Variants in PLEKHA6 observed in about 807,000 individuals in gnomAD.
PLEKHA6 encodes pleckstrin homology domain-containing family A member 6.
In PLEKHA6, 60 loss-of-function variants were observed where a neutral mutation model predicts 116.7. The ratio of observed to expected loss-of-function variants is 0.51; its 90% CI spans 0.42 to 0.64. PLEKHA6 has a LOEUF of 0.64. Ranked by LOEUF, PLEKHA6 falls within the 30% of genes least tolerant of loss-of-function variation. The pLI, the probability that PLEKHA6 is intolerant of heterozygous loss-of-function variation, is 0.00. For missense variants in PLEKHA6, 1,338 were observed against 1,422.7 expected (o/e 0.94, Z 0.96); for synonymous variants, 489 against 556.1 (o/e 0.88, Z 1.70).
At chr1:204,256,606 G>A (rs1665325487) in intron 9 of PLEKHA6, among the ~76,000 whole-genome samples, 1 of 152,166 alleles carries the variant, frequency 6.6e-6, no homozygotes, top group African/African-American at 2.4e-5. Flanking sequence ...AGAGGAGAAG[G>A]GGTTATTGGC....
intron 1 of PLEKHA6, among the ~76,000 whole-genome samples, chr1:204,340,525 C>T (rs1443202348): frequency 6.6e-6 from 1 of 152,176 alleles, no homozygotes; most frequent in Admixed American, 6.5e-5. Flanking sequence ...TATCCCAGAA[C>T]CAGGCAAGCG....
intron 4 of PLEKHA6, among the ~76,000 whole-genome samples, chr1:204,267,812 G>A (rs1344764754): frequency 6.6e-6 from 1 of 152,180 alleles, no homozygotes; most frequent in Non-Finnish European, 1.5e-5. Flanking sequence ...ATGAGTGAGT[G>A]GAAGGGCAGG....
At chr1:204,258,613 C>A (rs1665673138) in intron 8 of PLEKHA6, among the ~76,000 whole-genome samples, 1 of 152,248 alleles carries the variant, frequency 6.6e-6, no homozygotes, top group Non-Finnish European at 1.5e-5. Context: ...CTGTGGCCTG[C>A]AGTCCCTGGA....
intron 1 of PLEKHA6, among the ~76,000 whole-genome samples, chr1:204,276,002 A>T (rs1667966452): frequency 6.6e-6 from 1 of 152,130 alleles, no homozygotes; most frequent in African/African-American, 2.4e-5. Context: ...GAGGAAGGAG[A>T]TCTTAGCTTA....
intron 17 of PLEKHA6, among the ~76,000 whole-genome samples, chr1:204,235,778 A>G (rs774745661): frequency 3.9e-5 from 6 of 152,166 alleles, no homozygotes; most frequent in Non-Finnish European, 8.8e-5. Flanking sequence ...GCCAGAAGGA[A>G]CAGCTTCTCC....
At chr1:204,275,495 G>A (rs1667904676) in intron 1 of PLEKHA6, among the ~76,000 whole-genome samples, 1 of 152,152 alleles carries the variant, frequency 6.6e-6, no homozygotes, top group Non-Finnish European at 1.5e-5. Flanking sequence ...GGCGTTGTGA[G>A]GATGGCCTGC....
chr1:204,353,686 AG>A (rs1371608651), intron 1 of PLEKHA6, among the ~76,000 whole-genome samples: 3 of 152,216 alleles, frequency 2.0e-5, no homozygotes, highest in Admixed American at 6.5e-5. Context: ...TGATAAGGGC[AG>A]GGTGGGAACT....
chr1:204,242,198 G>A (rs1395836286), intron 15 of PLEKHA6, among the ~76,000 whole-genome samples: 1 of 152,166 alleles, frequency 6.6e-6, no homozygotes, highest in African/African-American at 2.4e-5. Flanking sequence ...AGAACCAGGC[G>A]GGCCTTGGTA....
At chr1:204,362,000 C>T (rs1443453167), upstream of PLEKHA6, among the ~76,000 whole-genome samples, 6 of 152,190 alleles carry the variant, frequency 3.9e-5, no homozygotes, top group Non-Finnish European at 7.3e-5. Flanking sequence ...GGGCAAGGGC[C>T]GCAGACGAGT....
At chr1:204,373,413 T>C (rs562673543) in intron 1 of PLEKHA6, among the ~76,000 whole-genome samples, 1 of 151,860 alleles carries the variant, frequency 6.6e-6, no homozygotes, top group African/African-American at 2.4e-5. Context: ...AGAGACAAGG[T>C]CTTACTATGT....
chr1:204,249,378 T>C, intron 10 of PLEKHA6, 114 bp from the exon 11 acceptor site: 1 of 762,578 alleles, frequency 1.3e-6, no homozygotes, highest in South Asian at 1.6e-5. Flanking sequence ...TCCTTTCTCC[T>C]GCTGAGGAAC....
At chr1:204,325,903 C>T in intron 1 of PLEKHA6, 24 of 985,134 alleles carry the variant, frequency 2.4e-5, no homozygotes, top group Non-Finnish European at 2.9e-5. Flanking sequence ...TTCCAGGCTG[C>T]CAAAGCCAAG....
chr1:204,317,982 C>A (rs1228254376), intron 1 of PLEKHA6, among the ~76,000 whole-genome samples: 1 of 152,120 alleles, frequency 6.6e-6, no homozygotes, highest in Non-Finnish European at 1.5e-5. Context: ...TACACAAGTG[C>A]TATATAAAAG....
At chr1:204,340,334 C>T (rs1273341536) in intron 1 of PLEKHA6, among the ~76,000 whole-genome samples, 1 of 152,194 alleles carries the variant, frequency 6.6e-6, no homozygotes, top group Non-Finnish European at 1.5e-5. Flanking sequence ...TTGTCTCTCT[C>T]GTGCCTGCAA....
rs774888198 is a variant in PLEKHA6 at position 204,313,435 on chromosome 1, T to C, written c.-94-38626A>G. 2.2e-4 allele frequency: 68 copies of C among 315,714 alleles called. 1 individual carries two copies. The highest frequency in any genetic ancestry group is 2.7e-4 in the Non-Finnish European group (59 of 218,138). 19.6% of individuals were successfully genotyped at this position (315,714 alleles called of 1,614,324 possible). The stretch of plus-strand genomic sequence containing the variant: ...AGAAACATGCACATTCCTGGGCTCA[T>C]CTGGCCTCGGGGACTCCCTGAACAT... On this transcript the variant is annotated intron_variant, in intron 1 of 22. Transcript: ENST00000272203.
Position 204,259,587 on chromosome 1 carries a change from T to C in PLEKHA6, c.678A>G (p.Pro226=), listed in dbSNP as rs1244697692. The part of the protein sequence containing the change: ...CEKAERRPER[P]EVKKEPPVKA... ...TCACCGGAGGCTCTTTCTTGACTTC[T>C]GGCCTCTCAGGCCTTCTCTCTGCCT... Residue 226 remains proline, a synonymous_variant, in exon 8 of 23, where the codon CCA becomes CCG. Transcript: ENST00000272203. This position sits in a 1 kb window ranked among gnomAD's most constrained non-coding sequence, Gnocchi z 4.6. 6.2e-7 allele frequency: 1 copy of C among 1,614,012 alleles called. No individual in the cohort carries two copies. The highest frequency in any genetic ancestry group is 8.5e-7 in the Non-Finnish European group (1 of 1,180,050).
intron 1 of PLEKHA6, among the ~76,000 whole-genome samples, chr1:204,343,278 G>A (rs1572209010): frequency 6.6e-6 from 1 of 152,208 alleles, no homozygotes; most frequent in East Asian, 1.9e-4. Flanking sequence ...TTTATTTCAA[G>A]AGAGATTAAA....
chr1:204,275,211 A>T (rs920119683), intron 1 of PLEKHA6, among the ~76,000 whole-genome samples: 1 of 152,080 alleles, frequency 6.6e-6, no homozygotes, highest in African/African-American at 2.4e-5. Context: ...ATAAAAAAAA[A>T]GCTCCCCCAT....
chr1:204,268,347 A>G, intron 3 of PLEKHA6, 35 bp from the exon 4 acceptor site: 4 of 1,471,956 alleles, frequency 2.7e-6, no homozygotes, highest in Non-Finnish European at 3.7e-6. Context: ...CTAGGTCCCC[A>G]GTCTCCTCCT....
Sources: gnomAD v4.1 joint callset for allele counts (sites outside exome capture counted in the v4.1 genomes callset) on GRCh38, gnomAD v4.1.1 for gene constraint, Gnocchi (gnomAD v3.1) non-coding constraint, MANE v1.5 for transcripts, NCBI Gene and HGNC (gene_info 2026-07-23, HGNC 2026-07-21) for gene names.